Variants in NPAS2 observed in about 807,000 individuals in gnomAD.
NPAS2 encodes neuronal PAS domain-containing protein 2.
A neutral mutation model predicts 107.5 loss-of-function variants in NPAS2; 23 were observed. That is an observed-to-expected ratio of 0.21 (90% CI 0.15 to 0.30). The LOEUF is 0.30. NPAS2 is among the 10% of genes least tolerant of loss of function. The probability of loss-of-function intolerance (pLI) is 1.00; values close to 1 mark genes in which losing one functional copy is unlikely to be tolerated. For missense variants in NPAS2, 756 were observed against 1,043.3 expected (o/e 0.72, Z 3.79); for synonymous variants, 403 against 417.5 (o/e 0.97, Z 0.42).
chr2:100,922,996 G>A (rs1207263302), intron 2 of NPAS2, among the ~76,000 whole-genome samples: 2 of 152,168 alleles, frequency 1.3e-5, no homozygotes, highest in African/African-American at 4.8e-5. Flanking sequence ...GGCTAAGGAG[G>A]TTGCATGTCA....
chr2:100,900,806 C>T (rs1380594373), intron 1 of NPAS2, among the ~76,000 whole-genome samples: 3 of 152,182 alleles, frequency 2.0e-5, no homozygotes, highest in Admixed American at 1.3e-4. Flanking sequence ...ATCTTGCCTG[C>T]AACAATGATT....
intron 2 of NPAS2, among the ~76,000 whole-genome samples, chr2:100,909,289 G>A (rs893790487): frequency 2.0e-5 from 3 of 152,194 alleles, no homozygotes; most frequent in African/African-American, 7.2e-5. Flanking sequence ...GCATAAAGAA[G>A]GAAAAGAAAA....
chr2:100,873,251 C>CA (rs57848948), intron 1 of NPAS2, among the ~76,000 whole-genome samples: 20 of 58,886 alleles, frequency 3.4e-4, no homozygotes, highest in South Asian at 1.6e-3. Context: ...GACTTCATCT[C>CA]AAAAAAAAAA....
rs149055002 is a variant in NPAS2, at chr2:100,911,205, A to G, written c.32+6419A>G. ...CCTGCATTTAAAAAATTATCCTGAAAAATAAAAACATAGTGGCAAGAAAAT... is the reference window on the plus strand; with the variant it reads ...CCTGCATTTAAAAAATTATCCTGAAGAATAAAAACATAGTGGCAAGAAAAT... On this transcript the variant is annotated intron_variant, in intron 2 of 20. Coordinates refer to ENST00000335681, the MANE Select transcript of NPAS2 (RefSeq NM_002518.4). 1.4e-3 allele frequency among the ~76,000 whole-genome samples: 218 copies of G among 152,286 alleles called. 1 individual carries two copies. Among genetic ancestry groups the G allele is most frequent in the African/African-American group, 5.0e-3 (207 of 41,552 alleles).
At chr2:100,886,673 C>T (rs990133098) in intron 1 of NPAS2, among the ~76,000 whole-genome samples, 13 of 152,262 alleles carry the variant, frequency 8.5e-5, no homozygotes, top group African/African-American at 3.1e-4. Flanking sequence ...GATTAGAAGC[C>T]AGGATCTTTC....
At chr2:100,950,818 G>C (rs909589109) in intron 7 of NPAS2, among the ~76,000 whole-genome samples, 1 of 152,188 alleles carries the variant, frequency 6.6e-6, no homozygotes, top group African/African-American at 2.4e-5. Flanking sequence ...TCTGGGCAAA[G>C]TCAGATGAGG....
upstream of NPAS2, among the ~76,000 whole-genome samples, chr2:100,819,455 C>T (rs1296223289): frequency 6.6e-6 from 1 of 152,192 alleles, no homozygotes; most frequent in Non-Finnish European, 1.5e-5. The surrounding 1 kb of genome is among the most constrained non-coding windows in gnomAD (Gnocchi z 5.8). Flanking sequence ...TCGCCCGCAT[C>T]TTCCCCGACC....
At chr2:100,994,159 G>T (rs770739058) in intron 20 of NPAS2, 1 of 152,386 alleles carries the variant, frequency 6.6e-6, no homozygotes, top group Non-Finnish European at 1.5e-5. Context: ...CCTCACCCAT[G>T]TGCAGGGTGC....
intron 5 of NPAS2, among the ~76,000 whole-genome samples, chr2:100,944,857 C>T (rs1249909245): frequency 2.0e-5 from 3 of 152,168 alleles, no homozygotes; most frequent in Non-Finnish European, 4.4e-5. Flanking sequence ...GTAAAGTTCT[C>T]TCACACAGGT....
intron 2 of NPAS2, 45 bp from the exon 3 acceptor site, chr2:100,925,101 T>G: frequency 6.4e-7 from 1 of 1,571,960 alleles, no homozygotes. Flanking sequence ...ACAAAGCCTT[T>G]GTGACGTGGA....
At position 100,993,365 on chromosome 2, in the gene NPAS2, C is replaced by T. The variant is rs9223; in HGVS notation, c.2130C>T (p.Thr710=). The T allele has an allele frequency of 0.3, 485,061 of 1,597,546 alleles. 76,673 individuals are homozygous for T. Among genetic ancestry groups the T allele is most frequent in the South Asian group, 0.39 (34,747 of 90,226 alleles). Residue 710 remains threonine, a synonymous_variant, in exon 20 of 21, where the codon ACC becomes ACT. Transcript: ENST00000335681. ...GRQVKYAQSQ[T]VFQNPDAHPA... Reference sequence around the variant, plus strand: ...GAAACAGGTACGCCCAGAGCCAGACCGTGTTTCAAAATCCAGACGCACACC... The same window carrying T: ...GAAACAGGTACGCCCAGAGCCAGACTGTGTTTCAAAATCCAGACGCACACC...
At chr2:100,953,337 G>A (rs1675353044) in intron 7 of NPAS2, among the ~76,000 whole-genome samples, 1 of 145,324 alleles carries the variant, frequency 6.9e-6, no homozygotes, top group Non-Finnish European at 1.5e-5. Context: ...TCACGCCACA[G>A]TACTCCAGCC....
chr2:100,883,621 C>A (rs1302717753), intron 1 of NPAS2, among the ~76,000 whole-genome samples: 1 of 152,106 alleles, frequency 6.6e-6, no homozygotes, highest in African/African-American at 2.4e-5. Context: ...CGCTCCCAGT[C>A]TCCATAGGTT....
intron 15 of NPAS2, among the ~76,000 whole-genome samples, chr2:100,979,502 A>ATATATATATAT (rs1403246843): frequency 6.9e-5 from 3 of 43,334 alleles, no homozygotes; most frequent in African/African-American, 2.0e-4. Context: ...ATATATATAT[A>ATATATATATAT]TTTTTTTTTT....
Position 100,995,704 on chromosome 2 carries a change from C to T in NPAS2, c.*122C>T. 6.5e-7 allele frequency: 1 copy of T among 1,549,750 alleles called. No homozygotes were observed. The highest frequency in any genetic ancestry group is 8.7e-7 in the Non-Finnish European group (1 of 1,147,102). On this transcript the variant is annotated 3_prime_UTR_variant, in exon 21 of 21. Coordinates refer to ENST00000335681, the MANE Select transcript of NPAS2 (RefSeq NM_002518.4). ...GCTTTTGTGCACACTGCATACGTTT[C>T]AGAACTCCTGGATGGTAACCATCTC... is the stretch of plus-strand genomic sequence containing the variant.
intron 1 of NPAS2, among the ~76,000 whole-genome samples, chr2:100,874,313 T>G (rs966413003): frequency 1.3e-5 from 2 of 152,136 alleles, no homozygotes; most frequent in Admixed American, 1.3e-4. Context: ...ACCCACATGA[T>G]GGAGCAGAAC....
intron 1 of NPAS2, among the ~76,000 whole-genome samples, chr2:100,834,284 C>T (rs535089388): frequency 1.3e-5 from 2 of 152,300 alleles, no homozygotes; most frequent in East Asian, 3.9e-4. Flanking sequence ...GGGAGGGCCA[C>T]GCCACAGGCC....
chr2:100,833,465 GT>G (rs1439617132), intron 1 of NPAS2, among the ~76,000 whole-genome samples: 4 of 152,118 alleles, frequency 2.6e-5, no homozygotes, highest in African/African-American at 9.7e-5. Flanking sequence ...GAAGTACTTG[GT>G]TTTTTCAGAC....
At chr2:100,826,598 T>C (rs1383597763) in intron 1 of NPAS2, among the ~76,000 whole-genome samples, 1 of 152,248 alleles carries the variant, frequency 6.6e-6, no homozygotes, top group African/African-American at 2.4e-5. Context: ...TAGGACGTTA[T>C]TTAACCCATC....
Sources: allele counts gnomAD v4.1 joint callset (sites outside exome capture counted in the v4.1 genomes callset), GRCh38; gene constraint gnomAD v4.1.1; non-coding constraint Gnocchi (gnomAD v3.1); transcripts MANE v1.5; gene names NCBI Gene and HGNC (gene_info 2026-07-23, HGNC 2026-07-21).